ZIK1: variants seen among roughly 807,000 people sequenced by gnomAD.
ZIK1 encodes zinc finger protein interacting with K protein 1.
In ZIK1, 12 loss-of-function variants were observed where a neutral mutation model predicts 10.7. That is an observed-to-expected ratio of 1.12 (90% CI 0.72 to 1.81). The LOEUF is 1.81. Ranked by LOEUF, ZIK1 falls within the 40% of genes most tolerant of loss-of-function variation. ZIK1 has a pLI of 0.00. For synonymous variants in ZIK1, 190 were observed against 205.0 expected (o/e 0.93, Z 0.63); for missense variants, 497 against 585.7 (o/e 0.85, Z 1.56).
chr19:57,585,883 A>ATTTTTTTTTTTT (rs59607792), intron 2 of ZIK1, among the ~76,000 whole-genome samples: 5 of 130,120 alleles, frequency 3.8e-5, no homozygotes, highest in African/African-American at 1.2e-4. Context: ...TGCCCAGCGA[A>ATTTTTTTTTTTT]TTTTTTTTTT....
rs1227034001 is a variant in ZIK1, at chr19:57,590,335, A to T, written c.524A>T (p.Asp175Val). 3 of 1,614,054 alleles carry T rather than the reference A, an allele frequency of 1.9e-6. No individual in the cohort carries two copies. Among genetic ancestry groups the T allele is most frequent in the Non-Finnish European group, 2.5e-6 (3 of 1,180,046 alleles). ...KPFRKWEVGK[D>V]LPAMLRLLRS... ...TTTCGCAAATGGGAGGTTGGAAAGG[A>T]CCTTCCAGCCATGTTGCGGCTTCTG... Residue 175 changes from aspartate to valine, a missense_variant, in exon 4 of 4, where the codon GAC (aspartate) becomes GTC (valine). Physicochemically the swap from Asp to Val is radical, Grantham distance 152. Coordinates refer to ENST00000597850, the MANE Select transcript of ZIK1 (RefSeq NM_001010879.4).
At chr19:57,585,883 ATTTTTTT>A (rs59607792) in intron 2 of ZIK1, among the ~76,000 whole-genome samples, 89 of 130,110 alleles carry the variant, frequency 6.8e-4, no homozygotes, top group Middle Eastern at 4.0e-3. Flanking sequence ...TGCCCAGCGA[ATTTTTTT>A]TTTTTTTTTT....
At position 57,591,728 on chromosome 19, in the gene ZIK1, A is replaced by G. The variant is rs752289398; in HGVS notation, c.*453A>G. On this transcript the variant is annotated 3_prime_UTR_variant, in exon 4 of 4. Transcript: ENST00000597850. ...CCTTCATGTAAATTCTTGGTCTCAC[A>G]TGACACTTGGTCATTCTTCCAGCCT... 35 of 160,522 alleles carry G rather than the reference A, an allele frequency of 2.2e-4. No individual in the cohort carries two copies. The highest frequency in any genetic ancestry group is 3.4e-4 in the Non-Finnish European group (25 of 72,888). 9.9% of individuals were successfully genotyped at this position (160,522 alleles called of 1,614,324 possible). A position where few individuals can be genotyped will look rare whatever the true frequency, so the allele number is the denominator to read the frequency against.
At chr19:57,588,908 G>C (rs965220155) in intron 3 of ZIK1, among the ~76,000 whole-genome samples, 1 of 151,670 alleles carries the variant, frequency 6.6e-6, no homozygotes, top group African/African-American at 2.4e-5. Flanking sequence ...TCTTGGCTGG[G>C]TGTCTGTGTT....
intron 1 of ZIK1, chr19:57,584,613 G>T: frequency 7.2e-7 from 1 of 1,393,512 alleles, no homozygotes; most frequent in South Asian, 1.7e-5. Flanking sequence ...GAGTGCCAAG[G>T]TGAGGAGTTT....
chr19:57,584,498 G>T, intron 1 of ZIK1, 109 bp downstream of exon 1: 3 of 1,444,416 alleles, frequency 2.1e-6, no homozygotes, highest in Non-Finnish European at 2.7e-6. Flanking sequence ...CGTGGGTGGG[G>T]TCCCTATTTC....
Position 57,593,804 on chromosome 19 carries a change from T to C in ZIK1, c.*2529T>C, listed in dbSNP as rs1486036060. The C allele has an allele frequency of 6.7e-6, 1 of 150,226 alleles. No individual in the cohort carries two copies. Among genetic ancestry groups the C allele is most frequent in the African/African-American group, 2.5e-5 (1 of 40,578 alleles). The allele number at this position is 150,226 out of a possible 1,614,324, so 9.3% of individuals were successfully genotyped here. On this transcript the variant is annotated 3_prime_UTR_variant, in exon 4 of 4. Transcript: ENST00000597850. ...CTAGTTGCCACCTGTATATCCTCTT[T>C]GGAAGAATGTTTATTAATGTCTTTT...
chr19:57,589,752 C>A, intron 3 of ZIK1: 2 of 955,670 alleles, frequency 2.1e-6, no homozygotes, highest in South Asian at 4.8e-5. Flanking sequence ...ATTTTTGAGG[C>A]TGTTGGTAGA....
At chr19:57,584,538 G>C in intron 1 of ZIK1, 149 bp downstream of exon 1, 1 of 1,420,820 alleles carries the variant, frequency 7.0e-7, no homozygotes, top group Non-Finnish European at 9.2e-7. Flanking sequence ...CACGGAAGAG[G>C]GTTACAGGCA....
At chr19:57,587,221 A>T (rs1979244937) in intron 2 of ZIK1, among the ~76,000 whole-genome samples, 1 of 152,204 alleles carries the variant, frequency 6.6e-6, no homozygotes, top group Non-Finnish European at 1.5e-5. Context: ...CAATTCAAGA[A>T]GAGATTTGGG....
chr19:57,585,100 T>G, intron 2 of ZIK1, 110 bp downstream of exon 2: 1 of 997,406 alleles, frequency 1.0e-6, no homozygotes, highest in South Asian at 1.8e-5. Context: ...CTTCACAAAC[T>G]GGAAGCTTGA....
In ZIK1 at chr19:57,586,591, A is replaced by G. The variant is rs375105212; in HGVS notation, c.72+1601A>G. Among the ~76,000 whole-genome samples, 169 of 152,190 alleles carry G rather than the reference A, an allele frequency of 1.1e-3. No homozygotes were observed. In the Middle Eastern group the frequency reaches 0.017, roughly 15 times the overall value. On this transcript the variant is annotated intron_variant, in intron 2 of 3. Coordinates refer to ENST00000597850, the MANE Select transcript of ZIK1 (RefSeq NM_001010879.4). ...AACAAAACAAAAAAACAGAAAAGGG[A>G]AGGTTGGGGCTATGACTGTGTCTCA...
chr19:57,584,667 C>A, intron 1 of ZIK1: 1 of 1,373,282 alleles, frequency 7.3e-7, no homozygotes, highest in East Asian at 2.7e-5. Flanking sequence ...GGGTTGTGTA[C>A]AGAAGCGGCA....
rs1167489443 is a variant in ZIK1, at chr19:57,590,605, G to A, written c.794G>A (p.Arg265Lys). 6.2e-7 allele frequency: 1 copy of A among 1,614,212 alleles called. No homozygotes were observed. The highest frequency in any genetic ancestry group is 2.2e-5 in the East Asian group (1 of 44,892). ...CACCAGAGAGTCCATACTGGAGAAA[G>A]GCCTTGGGAGTGCAATGAATGTGGA... Reference protein sequence around the residue: ...VQHQRVHTGERPWECNECGKF... With the variant: ...VQHQRVHTGEKPWECNECGKF... Residue 265 changes from arginine (R) to lysine (K), a missense_variant, in exon 4 of 4, where the codon AGG (arginine) becomes AAG (lysine). Transcript: ENST00000597850.
rs141569257 is a variant in ZIK1, at chr19:57,592,120, G to C, written c.*845G>C. On this transcript the variant is annotated 3_prime_UTR_variant, in exon 4 of 4. Coordinates refer to ENST00000597850, the MANE Select transcript of ZIK1 (RefSeq NM_001010879.4). Reference sequence around the variant, plus strand: ...ACAAGCATGTGTGCTTCAGGGAATAGGACAATTTTATTCCATTGTTTCCAG... The same window carrying C: ...ACAAGCATGTGTGCTTCAGGGAATACGACAATTTTATTCCATTGTTTCCAG... 322 of 152,266 alleles carry C rather than the reference G, an allele frequency of 2.1e-3. 4 individuals carry two copies. The highest frequency in any genetic ancestry group is 7.6e-3 in the African/African-American group (315 of 41,544). 9.4% of individuals were successfully genotyped at this position (152,266 alleles called of 1,614,324 possible). A position where few individuals can be genotyped will look rare whatever the true frequency, so the allele number is the denominator to read the frequency against.
rs146474449 is a variant in ZIK1, at chr19:57,590,040, A to G, written c.229A>G (p.Thr77Ala). The change falls in exon 4 of 4, where the codon ACA (threonine) becomes GCA (alanine). Residue 77 changes from threonine (T) to alanine (A), a missense_variant. Physicochemically the swap from Thr to Ala is moderately conservative, Grantham distance 58. Coordinates refer to ENST00000597850, the MANE Select transcript of ZIK1 (RefSeq NM_001010879.4). ...TGGCCATGGAACAGAGGATGAAGAGACACCTTCTGACCAGAATGTTTCTGT... is the reference window on the plus strand; with the variant it reads ...TGGCCATGGAACAGAGGATGAAGAGGCACCTTCTGACCAGAATGTTTCTGT... ...GCGHGTEDEE[T>A]PSDQNVSVGV... is the part of the protein sequence containing the mutation. 1 of 1,614,050 alleles carries G rather than the reference A, an allele frequency of 6.2e-7. No homozygotes were observed. The highest frequency in any genetic ancestry group is 1.1e-5 in the South Asian group (1 of 91,076).
intron 2 of ZIK1, among the ~76,000 whole-genome samples, chr19:57,585,871 C>T: frequency 6.7e-6 from 1 of 150,352 alleles, no homozygotes; most frequent in Non-Finnish European, 1.5e-5. Context: ...ACCGTGCTAC[C>T]ATGCCCAGCG....
rs191460227 is a variant in ZIK1 at position 57,588,417 on chromosome 19, A to G, written c.73-122A>G. The G allele has an allele frequency of 4.9e-4, 575 of 1,170,530 alleles. 1 individual carries two copies. Among genetic ancestry groups the G allele is most frequent in the Admixed American group, 1.7e-3 (59 of 35,542 alleles). The allele number at this position is 1,170,530 out of a possible 1,614,324, so 72.5% of individuals were successfully genotyped here. A position where few individuals can be genotyped will look rare whatever the true frequency, so the allele number is the denominator to read the frequency against. ...GAAGGATACAGTGATCATTGGGACC[A>G]TGAAAAGAGAGTGGGCATCTGTGTC... On this transcript the variant is annotated intron_variant, in intron 2 of 3. Transcript: ENST00000597850.
rs544129861 is a variant in ZIK1, at chr19:57,592,093, T to C, written c.*818T>C. ...CATCCTGAGGAGAGGCCAGCTGTTA[T>C]GACAAGCATGTGTGCTTCAGGGAAT... On this transcript the variant is annotated 3_prime_UTR_variant, in exon 4 of 4. Transcript: ENST00000597850. 6 of 152,346 alleles carry C rather than the reference T, an allele frequency of 3.9e-5. No individual in the cohort carries two copies. Among genetic ancestry groups the C allele is most frequent in the East Asian group, 3.9e-4 (2 of 5,188 alleles). 9.4% of individuals were successfully genotyped at this position (152,346 alleles called of 1,614,324 possible).
Sources: allele counts gnomAD v4.1 joint callset (sites outside exome capture counted in the v4.1 genomes callset), GRCh38; gene constraint gnomAD v4.1.1; transcripts MANE v1.5; gene names NCBI Gene and HGNC (gene_info 2026-07-23, HGNC 2026-07-21).